The following FSTL4 variants were observed in gnomAD, a reference collection of about 807,000 sequenced individuals.
The protein encoded by FSTL4 is follistatin like 4.
FSTL4 carries 28 observed loss-of-function variants against 78.2 expected under a neutral mutation model. That is an observed-to-expected ratio of 0.36 (90% CI 0.27 to 0.49). The LOEUF (loss-of-function observed/expected upper bound fraction) is 0.49, where lower values mean the gene tolerates loss of function less well. FSTL4 is among the 20% of genes least tolerant of loss of function. FSTL4 has a pLI of 0.98. For synonymous variants in FSTL4, 422 were observed against 440.5 expected, an observed-to-expected ratio of 0.96 and a Z score of 0.53; for missense variants, 922 against 1,084.9, an observed-to-expected ratio of 0.85 and a Z score of 2.11.
the FSTL4 span, among the ~76,000 whole-genome samples, chr5:133,839,326 T>C: frequency 6.6e-6 from 1 of 152,216 alleles, no homozygotes; most frequent in Non-Finnish European, 1.5e-5. Flanking sequence ...TGCAGATGAG[T>C]ACTGCACAAA....
chr5:133,294,363 C>T (rs547147801), intron 6 of FSTL4, among the ~76,000 whole-genome samples: 1 of 152,254 alleles, frequency 6.6e-6, no homozygotes, highest in East Asian at 1.9e-4. Flanking sequence ...CTTTTTGATG[C>T]CTCCGTTCCT....
chr5:133,724,807 C>T, the FSTL4 span, among the ~76,000 whole-genome samples: 2 of 152,212 alleles, frequency 1.3e-5, no homozygotes, highest in East Asian at 1.9e-4. Context: ...AAAGTCATGA[C>T]GATTTTTCTC....
At chr5:133,309,402 T>C (rs1753726961) in intron 6 of FSTL4, among the ~76,000 whole-genome samples, 1 of 152,226 alleles carries the variant, frequency 6.6e-6, no homozygotes, top group Non-Finnish European at 1.5e-5. Context: ...TTCCTGTCCC[T>C]GTACAGAGAG....
chr5:133,712,002 G>T, the FSTL4 span, among the ~76,000 whole-genome samples: 1 of 152,118 alleles, frequency 6.6e-6, no homozygotes. Context: ...AGGTCACACG[G>T]CTACAAAATA....
intron 14 of FSTL4, among the ~76,000 whole-genome samples, chr5:133,209,523 C>G (rs563812384): frequency 6.6e-6 from 1 of 152,198 alleles, no homozygotes; most frequent in Non-Finnish European, 1.5e-5. Flanking sequence ...GCATTCAAAT[C>G]ACTTTACAGG....
intron 8 of FSTL4, among the ~76,000 whole-genome samples, chr5:133,232,006 CAGG>C (rs1751508465): frequency 6.6e-6 from 1 of 152,172 alleles, no homozygotes; most frequent in East Asian, 1.9e-4. Flanking sequence ...TAAACAGATT[CAGG>C]AGGTTATTAT....
At chr5:133,771,556 C>T in the FSTL4 span, among the ~76,000 whole-genome samples, 1 of 152,112 alleles carries the variant, frequency 6.6e-6, no homozygotes, top group Non-Finnish European at 1.5e-5. Context: ...TATAGAAACA[C>T]TACTGATTTC....
chr5:133,432,219 GGT>G (rs1370078143), intron 3 of FSTL4, among the ~76,000 whole-genome samples: 1 of 152,204 alleles, frequency 6.6e-6, no homozygotes, highest in African/African-American at 2.4e-5. Flanking sequence ...AGTTCACACA[GGT>G]TAGTGAAGGA....
chr5:133,482,785 C>T (rs954524251), intron 3 of FSTL4, among the ~76,000 whole-genome samples: 1 of 152,132 alleles, frequency 6.6e-6, no homozygotes, highest in African/African-American at 2.4e-5. Flanking sequence ...CTCAGCTGTA[C>T]AAATTGGCAG....
chr5:133,300,759 G>C (rs1406196236), intron 6 of FSTL4, among the ~76,000 whole-genome samples: 2 of 152,230 alleles, frequency 1.3e-5, no homozygotes, highest in Non-Finnish European at 2.9e-5. Flanking sequence ...AGGGCTGGAA[G>C]TGGCTCAGAA....
chr5:133,274,754 C>T (rs1752842685), intron 6 of FSTL4, among the ~76,000 whole-genome samples: 1 of 152,140 alleles, frequency 6.6e-6, no homozygotes, highest in Non-Finnish European at 1.5e-5. Flanking sequence ...GGTGGCCTCT[C>T]CACCCCTATT....
intron 11 of FSTL4, among the ~76,000 whole-genome samples, chr5:133,221,768 C>T (rs1020716751): frequency 6.6e-6 from 1 of 152,050 alleles, no homozygotes; most frequent in Non-Finnish European, 1.5e-5. Context: ...CTTTCTGTCT[C>T]CTCCCGACTC....
chr5:133,466,529 G>A (rs1160750114), intron 3 of FSTL4, among the ~76,000 whole-genome samples: 2 of 150,724 alleles, frequency 1.3e-5, no homozygotes, highest in East Asian at 1.9e-4. Flanking sequence ...GCGAAAGAGC[G>A]AGACTCTGTC....
At chr5:133,606,400 A>G (rs1760978996) in intron 1 of FSTL4, among the ~76,000 whole-genome samples, 1 of 152,162 alleles carries the variant, frequency 6.6e-6, no homozygotes, top group Admixed American at 6.5e-5. Context: ...TATTATAGGA[A>G]TGAGCCACCA....
intron 6 of FSTL4, among the ~76,000 whole-genome samples, chr5:133,271,327 T>C (rs920406478): frequency 6.6e-6 from 1 of 152,244 alleles, no homozygotes; most frequent in Admixed American, 6.5e-5. Context: ...CAGTGTGATG[T>C]GCTGCAAGAT....
chr5:133,781,104 C>T, the FSTL4 span, among the ~76,000 whole-genome samples: 6 of 152,254 alleles, frequency 3.9e-5, no homozygotes, highest in South Asian at 1.2e-3. Context: ...TGCTCTTGGC[C>T]CTCTGCATTG....
chr5:133,540,285 T>A (rs887814151), intron 3 of FSTL4, among the ~76,000 whole-genome samples: 1 of 152,052 alleles, frequency 6.6e-6, no homozygotes, highest in Non-Finnish European at 1.5e-5. Flanking sequence ...ATTCTCTCTC[T>A]CTCTCTGTTG....
intron 4 of FSTL4, among the ~76,000 whole-genome samples, chr5:133,341,225 A>ATTT (rs1242311488): frequency 6.8e-4 from 85 of 125,484 alleles, no homozygotes; most frequent in African/African-American, 1.8e-3. Context: ...TCCTGCTCAC[A>ATTT]TTTTTTTTTT....
At chr5:133,733,379 G>C in the FSTL4 span, among the ~76,000 whole-genome samples, 2 of 152,174 alleles carry the variant, frequency 1.3e-5, no homozygotes. Context: ...GTTATACCTA[G>C]ACATTGGGTA....
Sources: gnomAD v4.1 joint callset for allele counts (sites outside exome capture counted in the v4.1 genomes callset) on GRCh38, gnomAD v4.1.1 for gene constraint, MANE v1.5 for transcripts, NCBI Gene and HGNC (gene_info 2026-07-23, HGNC 2026-07-21) for gene names.